Variants in TENM4 observed in about 807,000 individuals in gnomAD.
TENM4 encodes teneurin-4.
A neutral mutation model predicts 243.3 loss-of-function variants in TENM4; 82 were observed. The observed-to-expected ratio is 0.34, with a 90% CI of 0.28 to 0.40. The LOEUF (loss-of-function observed/expected upper bound fraction) is 0.40. Ranked by LOEUF, TENM4 falls within the 10% of genes least tolerant of loss-of-function variation. The pLI is 1.00. For missense variants in TENM4, 3,138 were observed against 3,673.3 expected (o/e 0.85, Z 3.77); for synonymous variants, 1,412 against 1,456.3 (o/e 0.97, Z 0.69).
chr11:79,173,149 C>T (rs1480293100), intron 3 of TENM4, among the ~76,000 whole-genome samples: 3 of 152,210 alleles, frequency 2.0e-5, no homozygotes, highest in East Asian at 1.9e-4. Context: ...AACACACAGT[C>T]GACATGTATT....
rs535736889 is a variant in TENM4 at position 78,890,019 on chromosome 11, G to A, written c.850C>T (p.His284Tyr). Residue 284 changes from histidine (H) to tyrosine (Y), a missense_variant and splice_region_variant, in exon 9 of 34, where the codon CAC becomes TAC. His to Tyr is a moderately conservative substitution (Grantham distance 83). Coordinates refer to ENST00000278550, the MANE Select transcript of TENM4 (RefSeq NM_001098816.3). The part of the protein sequence containing the change: ...SRHDGAYSDG[H>Y]FLFKPGGTSP... ...GTGCCTCCAGGCTTGAAGAGGAAGT[G>A]CCTGCAGATGGAGAGCAGCAAGAGG... The A allele has an allele frequency of 1.2e-5, 19 of 1,533,790 alleles. No individual in the cohort carries two copies. In the East Asian group the frequency reaches 4.4e-4, roughly 36 times the overall value.
intron 6 of TENM4, among the ~76,000 whole-genome samples, chr11:78,948,943 C>T (rs554112686): frequency 4.6e-5 from 7 of 152,290 alleles, no homozygotes; most frequent in South Asian, 2.1e-4. Flanking sequence ...TGTGATGAGA[C>T]GTACATCTTA....
chr11:78,729,374 A>G lies in TENM4; in HGVS notation c.3406+2T>C. The G allele has an allele frequency of 6.4e-7, 1 of 1,569,716 alleles. No individual in the cohort carries two copies. The highest frequency in any genetic ancestry group is 1.3e-5 in the African/African-American group (1 of 74,076). ...TCTGAGTCCTGCAGCCGGGAGGCTT[A>G]CCAAAGGCTTCTGAAAGCCCAAACA... On this transcript the variant is annotated splice_donor_variant, in intron 22 of 33. Coordinates refer to ENST00000278550, the MANE Select transcript of TENM4 (RefSeq NM_001098816.3). LOFTEE classifies it high-confidence loss of function.
chr11:79,308,589 C>T (rs1856665533), intron 1 of TENM4, among the ~76,000 whole-genome samples: 1 of 152,192 alleles, frequency 6.6e-6, no homozygotes, highest in African/African-American at 2.4e-5. Flanking sequence ...TTTTTCCCAG[C>T]CACATGCTCA....
At chr11:78,894,253 G>A (rs1855737689) in intron 7 of TENM4, among the ~76,000 whole-genome samples, 1 of 152,170 alleles carries the variant, frequency 6.6e-6, no homozygotes, top group South Asian at 2.1e-4. Context: ...GGGACCTGAG[G>A]CTGGCTGCAT....
intron 1 of TENM4, among the ~76,000 whole-genome samples, chr11:79,425,203 G>A (rs1859023280): frequency 1.3e-5 from 2 of 152,090 alleles, no homozygotes; most frequent in African/African-American, 4.8e-5. Flanking sequence ...AAGGATCAAG[G>A]TGAGGAGTGT....
chr11:79,146,453 A>G (rs117724600), intron 4 of TENM4, among the ~76,000 whole-genome samples: 2 of 152,124 alleles, frequency 1.3e-5, no homozygotes, highest in African/African-American at 4.8e-5. Context: ...AGAGACTCAG[A>G]AGGATGGCCA....
rs1268009242 is a variant in TENM4, at chr11:79,319,892, A to G, written c.-320-22349T>C. Among the ~76,000 whole-genome samples the G allele has an allele frequency of 2.0e-5, 3 of 152,226 alleles. No individual in the cohort carries two copies. In the East Asian group the frequency reaches 5.8e-4, roughly 29 times the overall value. ...ATCCCTAGTCCCCTTAGTCCACACT[A>G]GGTGACCACCACAACTGGGCTTGTA... On this transcript the variant is annotated intron_variant, in intron 1 of 33. Coordinates refer to ENST00000278550, the MANE Select transcript of TENM4 (RefSeq NM_001098816.3).
intron 6 of TENM4, among the ~76,000 whole-genome samples, chr11:78,931,968 G>A (rs562164447): frequency 6.6e-6 from 1 of 152,286 alleles, no homozygotes; most frequent in Admixed American, 6.5e-5. Context: ...ACTCCAGCCT[G>A]CGCCACAGAG....
intron 12 of TENM4, among the ~76,000 whole-genome samples, chr11:78,852,850 A>G (rs1383051001): frequency 1.3e-5 from 2 of 152,106 alleles, no homozygotes; most frequent in Admixed American, 6.5e-5. Flanking sequence ...CCTGGGCTCA[A>G]GGGATCCTCC....
chr11:79,317,183 G>A (rs1042612253), intron 1 of TENM4, among the ~76,000 whole-genome samples: 6 of 152,212 alleles, frequency 3.9e-5, no homozygotes, highest in Non-Finnish European at 7.3e-5. Context: ...AATGTTATGA[G>A]ACAAAAGGTT....
intron 29 of TENM4, among the ~76,000 whole-genome samples, chr11:78,686,193 G>A (rs572296520): frequency 3.3e-5 from 5 of 152,144 alleles, no homozygotes; most frequent in Admixed American, 1.3e-4. Flanking sequence ...ATTTCTACAT[G>A]GTTGTCAATC....
Position 78,889,958 on chromosome 11 carries a change from G to A in TENM4, c.911C>T (p.Pro304Leu). 6.4e-7 allele frequency: 1 copy of A among 1,551,542 alleles called. No individual in the cohort carries two copies. The highest frequency in any genetic ancestry group is 8.7e-7 in the Non-Finnish European group (1 of 1,146,928). Reference protein sequence around the residue: ...PLFCTTSPGYPLTSSTVYSPP... With the variant: ...PLFCTTSPGYLLTSSTVYSPP... ...AGAGTACACTGTGCTGGACGTCAGT[G>A]GGTACCCTGGTGATGTGGTGCAGAA... Residue 304 changes from proline (P) to leucine (L), a missense_variant, in exon 9 of 34, where the codon CCA becomes CTA. Coordinates refer to ENST00000278550, the MANE Select transcript of TENM4 (RefSeq NM_001098816.3).
At chr11:78,917,350 C>G in intron 6 of TENM4, among the ~76,000 whole-genome samples, 1 of 152,188 alleles carries the variant, frequency 6.6e-6, no homozygotes, top group South Asian at 2.1e-4. Context: ...AGCATGGTGG[C>G]CTCCTACTCA....
chr11:79,181,974 G>A (rs1045143833), intron 3 of TENM4, among the ~76,000 whole-genome samples: 5 of 149,676 alleles, frequency 3.3e-5, no homozygotes, highest in Non-Finnish European at 5.9e-5. Flanking sequence ...ACTGTTCCAC[G>A]TTTATAAACA....
chr11:79,405,847 CAAAAAAAAAAAA>C (rs763128589), intron 1 of TENM4, among the ~76,000 whole-genome samples: 4 of 69,266 alleles, frequency 5.8e-5, no homozygotes, highest in Non-Finnish European at 8.6e-5. Context: ...ATTGTGATTT[CAAAAAAAAAAAA>C]AAAAAAAAAA....
chr11:78,969,468 G>T (rs560780859), intron 6 of TENM4, among the ~76,000 whole-genome samples: 1 of 152,280 alleles, frequency 6.6e-6, no homozygotes, highest in South Asian at 2.1e-4. Flanking sequence ...GATTCTTAGT[G>T]TATCTTTGGA....
At chr11:79,028,891 G>A (rs974600531) in intron 6 of TENM4, among the ~76,000 whole-genome samples, 1 of 152,128 alleles carries the variant, frequency 6.6e-6, no homozygotes, top group African/African-American at 2.4e-5. Flanking sequence ...TAATCTCTGG[G>A]TAGAAGGCTC....
At chr11:79,336,012 G>C (rs1046267262) in intron 1 of TENM4, among the ~76,000 whole-genome samples, 2 of 146,762 alleles carry the variant, frequency 1.4e-5, no homozygotes, top group Non-Finnish European at 3.0e-5. Flanking sequence ...CAGTGTGCTA[G>C]ATGCTTTCAT....
Sources: allele counts gnomAD v4.1 joint callset (sites outside exome capture counted in the v4.1 genomes callset), GRCh38; gene constraint gnomAD v4.1.1; transcripts MANE v1.5; gene names NCBI Gene and HGNC (gene_info 2026-07-23, HGNC 2026-07-21).